ZIK1: variants seen among roughly 807,000 people sequenced by gnomAD.
The protein encoded by ZIK1 is zinc finger protein interacting with ribonucleoprotein K.
In ZIK1, 12 loss-of-function variants were observed where a neutral mutation model predicts 10.7. The observed-to-expected ratio is 1.12, with a 90% CI of 0.72 to 1.81. ZIK1 has a LOEUF of 1.81. Among genes scored for constraint, ZIK1 ranks in the 40% most tolerant of loss-of-function variants. The pLI is 0.00. For synonymous variants in ZIK1, 190 were observed against 205.0 expected (o/e 0.93, Z 0.63); for missense variants, 497 against 585.7 (o/e 0.85, Z 1.56).
chr19:57,591,639 G>A lies in ZIK1; in HGVS notation c.*364G>A, dbSNP rs955820938. ...TTTTCTGACTGATCACAGCATACGT[G>A]TGACCCAGTTTGGGTCAGGAGGGCC... On this transcript the variant is annotated 3_prime_UTR_variant, in exon 4 of 4. Transcript: ENST00000597850. 5.1e-6 allele frequency: 1 copy of A among 194,708 alleles called. No homozygotes were observed. The highest frequency in any genetic ancestry group is 2.3e-5 in the African/African-American group (1 of 43,016). 12.1% of individuals were successfully genotyped at this position (194,708 alleles called of 1,614,324 possible).
At position 57,588,671 on chromosome 19, in the gene ZIK1, G is replaced by A. The variant is rs1979383446; in HGVS notation, c.199+6G>A. The A allele has an allele frequency of 1.3e-6, 2 of 1,527,156 alleles. No individual in the cohort carries two copies. The highest frequency in any genetic ancestry group is 4.7e-5 in the East Asian group (2 of 42,778). The allele number at this position is 1,527,156 out of a possible 1,614,324, so 94.6% of individuals were successfully genotyped here. A position where few individuals can be genotyped will look rare whatever the true frequency, so the allele number is the denominator to read the frequency against. On this transcript the variant is annotated splice_donor_region_variant and intron_variant, in intron 3 of 3. Coordinates refer to ENST00000597850, the MANE Select transcript of ZIK1 (RefSeq NM_001010879.4). ...TGCCCTTGTAGCCTCACTGGGTAAG[G>A]CCCTAATACCAACTCCAGTGTCCTG...
At chr19:57,587,864 G>GAGT (rs2123420893) in intron 2 of ZIK1, among the ~76,000 whole-genome samples, 1 of 152,220 alleles carries the variant, frequency 6.6e-6, no homozygotes, top group African/African-American at 2.4e-5. Flanking sequence ...GAGCCACTGA[G>GAGT]AGTCTGTGCC....
rs1979887547 is a variant in ZIK1, at chr19:57,593,570, AAAGAC to A, written c.*2299_*2303del. On this transcript the variant is annotated 3_prime_UTR_variant, in exon 4 of 4. Transcript: ENST00000597850. ...CAGTGTACGTGAATGCGTCACTTTTAAAGACAAGGCCAGACTATAACCTAACTGTA... is the reference window on the plus strand; with the variant it reads ...CAGTGTACGTGAATGCGTCACTTTTAAAGGCCAGACTATAACCTAACTGTA... 6.6e-6 allele frequency: 1 copy of A among 152,148 alleles called. No individual in the cohort carries two copies. The highest frequency in any genetic ancestry group is 1.5e-5 in the Non-Finnish European group (1 of 68,040). 9.4% of individuals were successfully genotyped at this position (152,148 alleles called of 1,614,324 possible). A position where few individuals can be genotyped will look rare whatever the true frequency, so the allele number is the denominator to read the frequency against.
rs182418653 is a variant in ZIK1 at position 57,592,784 on chromosome 19, G to A, written c.*1509G>A. The A allele has an allele frequency of 2.3e-3, 353 of 152,248 alleles. 1 individual carries two copies. Among genetic ancestry groups the A allele is most frequent in the African/African-American group, 8.2e-3 (342 of 41,530 alleles). 9.4% of individuals were successfully genotyped at this position (152,248 alleles called of 1,614,324 possible). ...TGAAACATGTTTTACAAACTTTCTT[G>A]ATGTGTAAGTGACATGCCATAGTTT... On this transcript the variant is annotated 3_prime_UTR_variant, in exon 4 of 4. Coordinates refer to ENST00000597850, the MANE Select transcript of ZIK1 (RefSeq NM_001010879.4).
rs1359678588 is a variant in ZIK1, at chr19:57,593,299, C to T, written c.*2024C>T. On this transcript the variant is annotated 3_prime_UTR_variant, in exon 4 of 4. Coordinates refer to ENST00000597850, the MANE Select transcript of ZIK1 (RefSeq NM_001010879.4). ...TCGTGATCCGCCCGCCTCAGCCTCCCGAAGTGCTGGGATTACAGGCGTAAG... is the reference window on the plus strand; with the variant it reads ...TCGTGATCCGCCCGCCTCAGCCTCCTGAAGTGCTGGGATTACAGGCGTAAG... 3 of 152,066 alleles carry T rather than the reference C, an allele frequency of 2.0e-5. No individual in the cohort carries two copies. Among genetic ancestry groups the T allele is most frequent in the South Asian group, 4.1e-4 (2 of 4,820 alleles). The allele number at this position is 152,066 out of a possible 1,614,324, so 9.4% of individuals were successfully genotyped here. A position where few individuals can be genotyped will look rare whatever the true frequency, so the allele number is the denominator to read the frequency against.
intron 1 of ZIK1, 101 bp from the exon 2 acceptor site, chr19:57,584,851 C>A: frequency 7.3e-7 from 1 of 1,373,324 alleles, no homozygotes; most frequent in South Asian, 1.3e-5. Context: ...TGCAGGCATC[C>A]TCAGTCCACC....
In ZIK1 at chr19:57,588,634, G is replaced by A; in HGVS notation, c.168G>A (p.Met56Ile). 1 of 1,581,208 alleles carries A rather than the reference G, an allele frequency of 6.3e-7. No homozygotes were observed. The highest frequency in any genetic ancestry group is 8.6e-7 in the Non-Finnish European group (1 of 1,160,586). ...AGAGACTCCTGTACCTTGAAGTGATGCTGGAGAACTTTGCCCTTGTAGCCT... is the reference window on the plus strand; with the variant it reads ...AGAGACTCCTGTACCTTGAAGTGATACTGGAGAACTTTGCCCTTGTAGCCT... ...EAQRLLYLEV[M>I]LENFALVASL... is the part of the protein sequence containing the mutation. The change falls in exon 3 of 4, where the codon ATG becomes ATA. Residue 56 changes from methionine to isoleucine, a missense_variant. Coordinates refer to ENST00000597850, the MANE Select transcript of ZIK1 (RefSeq NM_001010879.4).
In ZIK1 at chr19:57,593,776, T is replaced by A. The variant is rs1979905084; in HGVS notation, c.*2501T>A. The stretch of plus-strand genomic sequence containing the variant: ...TGGTATTGAACATTTGAACATCTTG[T>A]ATCTAGTTGCCACCTGTATATCCTC... On this transcript the variant is annotated 3_prime_UTR_variant, in exon 4 of 4. Coordinates refer to ENST00000597850, the MANE Select transcript of ZIK1 (RefSeq NM_001010879.4). 6.7e-6 allele frequency: 1 copy of A among 149,840 alleles called. No homozygotes were observed. Among genetic ancestry groups the A allele is most frequent in the South Asian group, 2.2e-4 (1 of 4,646 alleles). 9.3% of individuals were successfully genotyped at this position (149,840 alleles called of 1,614,324 possible). A position where few individuals can be genotyped will look rare whatever the true frequency, so the allele number is the denominator to read the frequency against.
rs915631883 is a variant in ZIK1 at position 57,591,835 on chromosome 19, T to C, written c.*560T>C. 1 of 153,632 alleles carries C rather than the reference T, an allele frequency of 6.5e-6. No homozygotes were observed. Among genetic ancestry groups the C allele is most frequent in the Non-Finnish European group, 1.4e-5 (1 of 69,072 alleles). 9.5% of individuals were successfully genotyped at this position (153,632 alleles called of 1,614,324 possible). ...AAAGCCTTATATTTGAATCTACCTG[T>C]AGTCTTGGGGTTCTGTTTACTGTGT... On this transcript the variant is annotated 3_prime_UTR_variant, in exon 4 of 4. Transcript: ENST00000597850.
At position 57,590,474 on chromosome 19, in the gene ZIK1, G is replaced by C; in HGVS notation, c.663G>C (p.Arg221Ser). Residue 221 changes from arginine (R) to serine (S), a missense_variant, in exon 4 of 4, where the codon AGG becomes AGC. Transcript: ENST00000597850. ...YKSGECGKAS[R>S]HKHTPVYHPR... The stretch of plus-strand genomic sequence containing the variant: ...CAGGTGAATGTGGGAAGGCTTCCAG[G>C]CACAAACACACTCCTGTTTACCATC... 6.2e-7 allele frequency: 1 copy of C among 1,614,008 alleles called. No individual in the cohort carries two copies. Among genetic ancestry groups the C allele is most frequent in the Non-Finnish European group, 8.5e-7 (1 of 1,180,002 alleles).
intron 3 of ZIK1, chr19:57,589,333 T>A (rs1979452597): frequency 1.0e-6 from 1 of 985,400 alleles, no homozygotes; most frequent in Non-Finnish European, 1.2e-6. Flanking sequence ...TCCGATCACA[T>A]AAGGAGCCTG....
chr19:57,588,484 G>A, intron 2 of ZIK1, 55 bp from the exon 3 acceptor site: 3 of 1,388,942 alleles, frequency 2.2e-6, no homozygotes, highest in Admixed American at 2.5e-5. Context: ...GATTGCGTGG[G>A]TGGATGAACT....
Position 57,588,520 on chromosome 19 carries a change from C to A in ZIK1, c.73-19C>A. The A allele has an allele frequency of 6.9e-7, 1 of 1,451,066 alleles. No homozygotes were observed. Among genetic ancestry groups the A allele is most frequent in the Non-Finnish European group, 9.2e-7 (1 of 1,090,194 alleles). 89.9% of individuals were successfully genotyped at this position (1,451,066 alleles called of 1,614,324 possible). A position where few individuals can be genotyped will look rare whatever the true frequency, so the allele number is the denominator to read the frequency against. ...TGTGGAGGCGTTGATTGTGGAGTGA[C>A]CTGTCCCCATCATGACAGGGCTGTG... is the stretch of plus-strand genomic sequence containing the variant. On this transcript the variant is annotated intron_variant, in intron 2 of 3. Transcript: ENST00000597850.
In ZIK1 at chr19:57,586,276, G is replaced by C. The variant is rs538306541; in HGVS notation, c.72+1286G>C. Among the ~76,000 whole-genome samples, 21 of 152,078 alleles carry C rather than the reference G, an allele frequency of 1.4e-4. No individual in the cohort carries two copies. The South Asian group carries it at 3.1e-3, about 23-fold the overall frequency. On this transcript the variant is annotated intron_variant, in intron 2 of 3. Coordinates refer to ENST00000597850, the MANE Select transcript of ZIK1 (RefSeq NM_001010879.4). ...GAAGATAATGCTATTTATAATGCAG[G>C]AAAGGGCTGGGTGTGGTGGCTCACA... is the stretch of plus-strand genomic sequence containing the variant.
At chr19:57,589,919 C>A in intron 3 of ZIK1, 92 bp from the exon 4 acceptor site, 1 of 1,439,618 alleles carries the variant, frequency 6.9e-7, no homozygotes, top group African/African-American at 1.4e-5. Context: ...TCAAAACAAA[C>A]CTGGTGAATC....
chr19:57,590,153 T>C lies in ZIK1; in HGVS notation c.342T>C (p.His114=). Residue 114 remains histidine (H), a synonymous_variant, in exon 4 of 4, where the codon CAT becomes CAC. Transcript: ENST00000597850. ...TCCCAGTCCTGAAAGATATTTTGCA[T>C]CTAGCTGATCTCCCTGGGCAGAAAC... ...MCVPVLKDIL[H]LADLPGQKPY... 1 of 1,614,178 alleles carries C rather than the reference T, an allele frequency of 6.2e-7. No homozygotes were observed. The highest frequency in any genetic ancestry group is 8.5e-7 in the Non-Finnish European group (1 of 1,180,040).
rs1022626416 is a variant in ZIK1 at position 57,591,591 on chromosome 19, G to C, written c.*316G>C. On this transcript the variant is annotated 3_prime_UTR_variant, in exon 4 of 4. Transcript: ENST00000597850. ...TTGGAGGAAATCTTGAGCAGTCTAAGCCTTTAGAGAAAATTCATTCTTTTT... is the reference window on the plus strand; with the variant it reads ...TTGGAGGAAATCTTGAGCAGTCTAACCCTTTAGAGAAAATTCATTCTTTTT... 1.3e-5 allele frequency: 4 copies of C among 318,056 alleles called. No homozygotes were observed. The highest frequency in any genetic ancestry group is 2.3e-5 in the Non-Finnish European group (4 of 172,038). The allele number at this position is 318,056 out of a possible 1,614,324, so 19.7% of individuals were successfully genotyped here.
rs1296373703 is a variant in ZIK1 at position 57,591,533 on chromosome 19, A to G, written c.*258A>G. The G allele has an allele frequency of 6.3e-6, 3 of 475,662 alleles. No individual in the cohort carries two copies. The highest frequency in any genetic ancestry group is 1.1e-5 in the Non-Finnish European group (3 of 269,392). 29.5% of individuals were successfully genotyped at this position (475,662 alleles called of 1,614,324 possible). On this transcript the variant is annotated 3_prime_UTR_variant, in exon 4 of 4. Coordinates refer to ENST00000597850, the MANE Select transcript of ZIK1 (RefSeq NM_001010879.4). ...GCACTGGTCACTCCTATGTGCTAAG[A>G]CAAGGCAGACATCTGTGTGTTCTCT... is the stretch of plus-strand genomic sequence containing the variant.
At chr19:57,587,730 T>C (rs1599920666) in intron 2 of ZIK1, among the ~76,000 whole-genome samples, 1 of 152,260 alleles carries the variant, frequency 6.6e-6, no homozygotes, top group East Asian at 1.9e-4. Flanking sequence ...TTATTCACCA[T>C]GGTAAAAACT....
Sources: allele counts gnomAD v4.1 joint callset (sites outside exome capture counted in the v4.1 genomes callset), GRCh38; gene constraint gnomAD v4.1.1; transcripts MANE v1.5; gene names NCBI Gene and HGNC (gene_info 2026-07-23, HGNC 2026-07-21).